The following EPB41L3 variants were observed in gnomAD, a reference collection of about 807,000 sequenced individuals.
The protein encoded by EPB41L3 is band 4.1-like protein 3.
In EPB41L3, 57 loss-of-function variants were observed where a neutral mutation model predicts 127.1. The ratio of observed to expected loss-of-function variants is 0.45; its 90% CI spans 0.36 to 0.56. EPB41L3 has a LOEUF of 0.56. EPB41L3 is among the 20% of genes least tolerant of loss of function. EPB41L3 has a pLI of 0.00. For synonymous variants in EPB41L3, 572 were observed against 549.5 expected, an observed-to-expected ratio of 1.04 and a Z score of -0.57; for missense variants, 1,273 against 1,372.2, an observed-to-expected ratio of 0.93 and a Z score of 1.14.
At chr18:5,425,154 C>T (rs1477720453) in intron 9 of EPB41L3, among the ~76,000 whole-genome samples, 4 of 152,156 alleles carry the variant, frequency 2.6e-5, no homozygotes, top group Admixed American at 2.6e-4. Flanking sequence ...CCAAAGAGCA[C>T]ACAATGGGTA....
intron 5 of EPB41L3, among the ~76,000 whole-genome samples, chr18:5,441,241 T>C (rs1337804121): frequency 1.3e-5 from 2 of 152,152 alleles, no homozygotes; most frequent in African/African-American, 4.8e-5. Flanking sequence ...GTTTCCATTT[T>C]CTTAGAGATC....
intron 1 of EPB41L3, among the ~76,000 whole-genome samples, chr18:5,532,786 G>C (rs962562713): frequency 3.3e-5 from 5 of 152,094 alleles, no homozygotes; most frequent in African/African-American, 9.7e-5. Context: ...AAGGCGCCTA[G>C]GGGATTGTCC....
chr18:5,438,476 A>G (rs1353428540), intron 5 of EPB41L3, among the ~76,000 whole-genome samples: 3 of 152,170 alleles, frequency 2.0e-5, no homozygotes, highest in African/African-American at 4.8e-5. Flanking sequence ...GAATTTCTGC[A>G]TAGCTCACAG....
intron 16 of EPB41L3, 51 bp from the exon 17 acceptor site, chr18:5,398,194 CAGGCACA>C (rs750496622): frequency 6.2e-7 from 1 of 1,605,224 alleles, no homozygotes; most frequent in Non-Finnish European, 8.5e-7. Flanking sequence ...GACACAAACT[CAGGCACA>C]TAAACATTCA....
intron 2 of EPB41L3, among the ~76,000 whole-genome samples, chr18:5,487,459 A>G (rs866134105): frequency 6.6e-6 from 1 of 151,022 alleles, no homozygotes; most frequent in South Asian, 2.1e-4. Context: ...TACACTTAAA[A>G]AAGATAGTAA....
chr18:5,498,162 C>G (rs372904858), intron 1 of EPB41L3, among the ~76,000 whole-genome samples: 1 of 152,128 alleles, frequency 6.6e-6, no homozygotes, highest in South Asian at 2.1e-4. Flanking sequence ...ACATATTGTT[C>G]TAAACACAGC....
intron 1 of EPB41L3, among the ~76,000 whole-genome samples, chr18:5,538,616 G>A (rs528302552): frequency 6.6e-6 from 1 of 152,292 alleles, no homozygotes; most frequent in Non-Finnish European, 1.5e-5. Context: ...CCTCTCTTTA[G>A]TTGAATGCTA....
intron 1 of EPB41L3, chr18:5,614,457 T>C (rs1389812873): frequency 1.3e-5 from 2 of 152,200 alleles, no homozygotes; most frequent in African/African-American, 4.8e-5. Context: ...TAGTGTCTCA[T>C]TCCTGCTCTG....
intron 1 of EPB41L3, among the ~76,000 whole-genome samples, chr18:5,491,938 C>G (rs937101930): frequency 1.3e-5 from 2 of 152,152 alleles, no homozygotes; most frequent in Admixed American, 1.3e-4. Context: ...AATTCTATTT[C>G]AAAACTTGTT....
chr18:5,586,406 T>C (rs867735223), intron 3 of EPB41L3, among the ~76,000 whole-genome samples: 1,555 of 148,836 alleles, frequency 0.01, 18 homozygotes, highest in African/African-American at 0.036. Flanking sequence ...CTTTTTTGTT[T>C]TTTTTTTTTT....
chr18:5,542,637 A>C (rs2149073581), intron 1 of EPB41L3, among the ~76,000 whole-genome samples: 1 of 152,270 alleles, frequency 6.6e-6, no homozygotes, highest in East Asian at 1.9e-4. Flanking sequence ...CAAGTAATTA[A>C]CACCACATGT....
chr18:5,502,001 TAA>T (rs1404041189), intron 1 of EPB41L3, among the ~76,000 whole-genome samples: 3 of 152,016 alleles, frequency 2.0e-5, no homozygotes, highest in South Asian at 4.2e-4. Context: ...ATGAAAGCGT[TAA>T]GAGACAGCTG....
intron 3 of EPB41L3, among the ~76,000 whole-genome samples, chr18:5,557,519 G>T (rs1306895151): frequency 6.6e-6 from 1 of 152,102 alleles, no homozygotes; most frequent in Non-Finnish European, 1.5e-5. Context: ...CGAGTAGCTG[G>T]AATTACAGGC....
At chr18:5,416,655 C>T (rs2076865315) in intron 12 of EPB41L3, among the ~76,000 whole-genome samples, 1 of 152,164 alleles carries the variant, frequency 6.6e-6, no homozygotes, top group Non-Finnish European at 1.5e-5. Context: ...AAAGTCTACA[C>T]ATTTCACATG....
chr18:5,433,324 A>T, intron 8 of EPB41L3, 145 bp downstream of exon 8: 1 of 623,256 alleles, frequency 1.6e-6, no homozygotes, highest in Admixed American at 3.0e-5. Context: ...TGTATCGTGG[A>T]GTAGGGCTTA....
At chr18:5,493,666 A>C (rs1443702176) in intron 1 of EPB41L3, among the ~76,000 whole-genome samples, 1 of 151,612 alleles carries the variant, frequency 6.6e-6, no homozygotes, top group African/African-American at 2.4e-5. Context: ...CCACTCTCCT[A>C]CTCCCTCTAG....
At chr18:5,400,899 A>C in intron 16 of EPB41L3, 6 of 914,638 alleles carry the variant, frequency 6.6e-6, no homozygotes, top group Non-Finnish European at 1.0e-5. Flanking sequence ...ATAAAAACTA[A>C]GAGCATTTTA....
chr18:5,615,889 C>T (rs1460754769), intron 1 of EPB41L3, among the ~76,000 whole-genome samples: 6 of 152,174 alleles, frequency 3.9e-5, no homozygotes. Flanking sequence ...CCACCTTTCA[C>T]AGGCCTGAAA....
At chr18:5,531,330 T>G (rs2093404503) in intron 1 of EPB41L3, among the ~76,000 whole-genome samples, 1 of 152,128 alleles carries the variant, frequency 6.6e-6, no homozygotes, top group South Asian at 2.1e-4. Flanking sequence ...AGAATTGCAG[T>G]CAAAATTCAG....
Sources: allele counts gnomAD v4.1 joint callset (sites outside exome capture counted in the v4.1 genomes callset), GRCh38; gene constraint gnomAD v4.1.1; transcripts MANE v1.5; gene names NCBI Gene and HGNC (gene_info 2026-07-23, HGNC 2026-07-21).